DGKB: variants seen among roughly 807,000 people sequenced by gnomAD.
DGKB encodes the protein diacylglycerol kinase beta.
A neutral mutation model predicts 114.3 loss-of-function variants in DGKB; 67 were observed. That is an observed-to-expected ratio of 0.59 (90% confidence interval 0.48 to 0.72). The LOEUF is 0.72. Ranked by LOEUF, DGKB falls within the 30% of genes least tolerant of loss-of-function variation. The pLI, the probability that DGKB is intolerant of heterozygous loss-of-function variation, is 0.00. For missense variants in DGKB, 907 were observed against 975.2 expected (o/e 0.93, Z 0.93); for synonymous variants, 398 against 323.1 (o/e 1.23, Z -2.49).
chr7:14,657,330 T>C (rs990440571), intron 13 of DGKB, among the ~76,000 whole-genome samples: 3 of 151,778 alleles, frequency 2.0e-5, no homozygotes, highest in Non-Finnish European at 1.5e-5. Context: ...TACCATGAAA[T>C]TGAGTCTGAG....
At chr7:14,315,789 G>C (rs1346645898) in intron 23 of DGKB, among the ~76,000 whole-genome samples, 4 of 151,532 alleles carry the variant, frequency 2.6e-5, no homozygotes, top group African/African-American at 4.9e-5. Context: ...GGACCTAATA[G>C]ACATCTACAG....
At chr7:14,886,390 T>G (rs1855055761) in intron 1 of DGKB, among the ~76,000 whole-genome samples, 3 of 151,736 alleles carry the variant, frequency 2.0e-5, no homozygotes, top group Admixed American at 2.0e-4. Context: ...TGAGGACGGC[T>G]CAAAAGTCCT....
chr7:14,484,106 C>G (rs531989215), intron 20 of DGKB, among the ~76,000 whole-genome samples: 30 of 150,850 alleles, frequency 2.0e-4, no homozygotes, highest in Non-Finnish European at 4.1e-4. Context: ...TATTTTGATC[C>G]TCTTAATTTG....
chr7:14,511,256 G>C (rs1787936995), intron 20 of DGKB, among the ~76,000 whole-genome samples: 1 of 152,134 alleles, frequency 6.6e-6, no homozygotes, highest in Non-Finnish European at 1.5e-5. Context: ...CTGTTGCTTA[G>C]TGTACACCTT....
chr7:14,374,369 C>G (rs550950681), intron 21 of DGKB, among the ~76,000 whole-genome samples: 1 of 152,286 alleles, frequency 6.6e-6, no homozygotes, highest in South Asian at 2.1e-4. Flanking sequence ...CATGGGCGCT[C>G]TTCCATATTT....
chr7:14,603,690 T>C (rs539637670), intron 17 of DGKB, among the ~76,000 whole-genome samples: 2 of 152,244 alleles, frequency 1.3e-5, no homozygotes, highest in African/African-American at 4.8e-5. Flanking sequence ...TTAGTTCAGG[T>C]AGATGGAAGC....
intron 24 of DGKB, among the ~76,000 whole-genome samples, chr7:14,177,190 A>G (rs149479868): frequency 2.0e-5 from 3 of 152,288 alleles, no homozygotes; most frequent in African/African-American, 7.2e-5. Context: ...CAGAATTTCT[A>G]CAGCCAAAAG....
intron 5 of DGKB, among the ~76,000 whole-genome samples, chr7:14,724,431 T>C (rs1340311618): frequency 6.6e-6 from 1 of 152,182 alleles, no homozygotes; most frequent in African/African-American, 2.4e-5. Context: ...GTAATAGAGA[T>C]GGTGATTCCT....
At chr7:14,929,221 C>T (rs573982581) in intron 1 of DGKB, among the ~76,000 whole-genome samples, 18 of 151,956 alleles carry the variant, frequency 1.2e-4, no homozygotes, top group South Asian at 4.1e-4. Context: ...TTTGGTATAA[C>T]GATATTATTT....
intron 23 of DGKB, among the ~76,000 whole-genome samples, chr7:14,203,215 A>G (rs1188281476): frequency 2.7e-5 from 4 of 149,580 alleles, no homozygotes; most frequent in Non-Finnish European, 4.4e-5. Context: ...TCTATCCTCT[A>G]AGGTTTTCTA....
chr7:14,821,157 C>T (rs1158992107), intron 2 of DGKB, among the ~76,000 whole-genome samples: 3 of 152,026 alleles, frequency 2.0e-5, no homozygotes, highest in Non-Finnish European at 4.4e-5. Flanking sequence ...ATTTTTGTAT[C>T]GAAGCATCTT....
intron 25 of DGKB, among the ~76,000 whole-genome samples, chr7:14,157,482 A>AGACTT (rs1279560769): frequency 6.6e-6 from 1 of 152,100 alleles, no homozygotes; most frequent in Non-Finnish European, 1.5e-5. Context: ...ATCATTGTGA[A>AGACTT]GACTTAAAAT....
intron 2 of DGKB, among the ~76,000 whole-genome samples, chr7:14,784,992 G>C (rs1466652161): frequency 2.6e-5 from 4 of 152,066 alleles, no homozygotes; most frequent in Admixed American, 2.6e-4. Context: ...ATAAACTAAG[G>C]TTATGTATGT....
intron 6 of DGKB, among the ~76,000 whole-genome samples, chr7:14,717,915 C>G (rs1181822218): frequency 6.6e-6 from 1 of 152,032 alleles, no homozygotes; most frequent in Non-Finnish European, 1.5e-5. Context: ...CCAGAGAGAG[C>G]TCAGTCACTA....
chr7:14,456,052 G>A (rs1232172134), intron 21 of DGKB, among the ~76,000 whole-genome samples: 1 of 151,942 alleles, frequency 6.6e-6, no homozygotes, highest in African/African-American at 2.4e-5. Flanking sequence ...GAGGGCCAAC[G>A]GGATGCCACA....
At chr7:14,861,076 T>C (rs1364585559) in intron 1 of DGKB, among the ~76,000 whole-genome samples, 1 of 151,954 alleles carries the variant, frequency 6.6e-6, no homozygotes, top group East Asian at 1.9e-4. Flanking sequence ...ACCTAAGTGA[T>C]TTTCACACAA....
intron 23 of DGKB, among the ~76,000 whole-genome samples, chr7:14,205,129 T>C (rs754085545): frequency 6.6e-6 from 1 of 152,018 alleles, no homozygotes; most frequent in Non-Finnish European, 1.5e-5. Context: ...CCTCTCATCT[T>C]AGTGTGTCAT....
chr7:14,890,333 A>C (rs778533583), intron 1 of DGKB, among the ~76,000 whole-genome samples: 9 of 151,702 alleles, frequency 5.9e-5, no homozygotes, highest in Non-Finnish European at 8.9e-5. Flanking sequence ...GATAGATGAG[A>C]AATGTACACT....
chr7:14,225,143 C>T (rs948062442), intron 23 of DGKB, among the ~76,000 whole-genome samples: 1 of 151,996 alleles, frequency 6.6e-6, no homozygotes, highest in African/African-American at 2.4e-5. Flanking sequence ...TGAACTTATT[C>T]ACACTCTATG....
Sources: gnomAD v4.1 joint callset for allele counts (sites outside exome capture counted in the v4.1 genomes callset) on GRCh38, gnomAD v4.1.1 for gene constraint, MANE v1.5 for transcripts, NCBI Gene and HGNC (gene_info 2026-07-23, HGNC 2026-07-21) for gene names.